Variants in EFHC1 observed in about 807,000 individuals in gnomAD.
The protein encoded by EFHC1 is EF-hand domain-containing protein 1.
EFHC1 carries 53 observed loss-of-function variants against 69.9 expected under a neutral mutation model. The observed-to-expected ratio is 0.76, with a 90% CI of 0.61 to 0.95. The LOEUF is 0.95. Ranked by LOEUF, EFHC1 falls within the 40% of genes least tolerant of loss-of-function variation. EFHC1 has a pLI of 0.00. For synonymous variants in EFHC1, 256 were observed against 278.4 expected (o/e 0.92, Z 0.80); for missense variants, 739 against 798.7 (o/e 0.93, Z 0.90).
intron 2 of EFHC1, among the ~76,000 whole-genome samples, chr6:52,433,402 G>A (rs1424155677): frequency 6.6e-6 from 1 of 152,154 alleles, no homozygotes; most frequent in Admixed American, 6.5e-5. Context: ...CTTTTCCTAT[G>A]GATGTGGCTT....
chr6:52,470,341 C>T (rs1236363446), intron 7 of EFHC1, among the ~76,000 whole-genome samples: 2 of 152,138 alleles, frequency 1.3e-5, no homozygotes, highest in African/African-American at 4.8e-5. Flanking sequence ...CATAAGAATT[C>T]TGACCAATAA....
intron 6 of EFHC1, among the ~76,000 whole-genome samples, chr6:52,467,770 T>C (rs1765343081): frequency 6.6e-6 from 1 of 152,224 alleles, no homozygotes; most frequent in Non-Finnish European, 1.5e-5. Flanking sequence ...ACTTTCTCTA[T>C]AATAAATAGC....
In EFHC1 at chr6:52,479,771, G is replaced by A; in HGVS notation, c.1624G>A (p.Ala542Thr). 6.2e-7 allele frequency: 1 copy of A among 1,614,142 alleles called. No individual in the cohort carries two copies. The highest frequency in any genetic ancestry group is 1.3e-5 in the African/African-American group (1 of 75,050). The change falls in exon 9 of 11, where the codon GCT (alanine) becomes ACT (threonine). Residue 542 changes from alanine to threonine, a missense_variant. By Grantham distance (58) the Ala-to-Thr change is moderately conservative (BLOSUM62 0). Coordinates refer to ENST00000371068, the MANE Select transcript of EFHC1 (RefSeq NM_018100.4). ...QNHVRKREAPAPEAESKQTEK... is the reference protein window; with the variant it reads ...QNHVRKREAPTPEAESKQTEK... ...CCATGTCCGAAAGCGAGAAGCGCCT[G>A]CTCCAGAAGCAGAAAGGTGTGTGTT...
chr6:52,453,128 T>TA, intron 4 of EFHC1: 1 of 1,403,226 alleles, frequency 7.1e-7, no homozygotes, highest in Non-Finnish European at 9.4e-7. Context: ...CTTCCCACCT[T>TA]ACGTTTCCAA....
At chr6:52,437,814 C>G (rs1222203779) in intron 2 of EFHC1, 1 of 170,962 alleles carries the variant, frequency 5.8e-6, no homozygotes. Context: ...TTAATTACCT[C>G]CTAAGGATCC....
At chr6:52,478,949 C>T in intron 7 of EFHC1, 88 bp from the exon 8 acceptor site, 1 of 1,223,262 alleles carries the variant, frequency 8.2e-7, no homozygotes, top group Non-Finnish European at 1.2e-6. Flanking sequence ...TCATTTATAT[C>T]CTATACCTGG....
rs905237444 is a variant in EFHC1 at position 52,424,166 on chromosome 6, A to G, written c.284A>G (p.Lys95Arg). 1 of 1,613,804 alleles carries G rather than the reference A, an allele frequency of 6.2e-7. No individual in the cohort carries two copies. Among genetic ancestry groups the G allele is most frequent in the African/African-American group, 1.3e-5 (1 of 75,042 alleles). ...FIPAHVAFDK[K>R]VLKFDAYFQE... ...CCTGCGCATGTGGCCTTTGACAAAA[A>G]GGTATCATCTGGAATTTTAGGGTAC... Residue 95 changes from lysine (K) to arginine (R), a missense_variant and splice_region_variant, in exon 2 of 11, where the codon AAG becomes AGG. By Grantham distance (26) the Lys-to-Arg change is conservative. Coordinates refer to ENST00000371068, the MANE Select transcript of EFHC1 (RefSeq NM_018100.4).
chr6:52,420,848 G>T (rs910332534), intron 1 of EFHC1, among the ~76,000 whole-genome samples: 2 of 151,612 alleles, frequency 1.3e-5, no homozygotes, highest in African/African-American at 4.9e-5. Context: ...CCTATCTCTG[G>T]GCCCTCTCCC....
intron 2 of EFHC1, among the ~76,000 whole-genome samples, chr6:52,436,882 TC>T (rs2113977778): frequency 6.6e-6 from 1 of 152,334 alleles, no homozygotes; most frequent in Non-Finnish European, 1.5e-5. Context: ...ACTCAGGTGA[TC>T]TGCCTGCCTT....
In EFHC1 at chr6:52,452,779, AGT is replaced by A. The variant is rs760016067; in HGVS notation, c.666_667del (p.Tyr223CysfsTer7). On this transcript the variant is annotated frameshift_variant, in exon 4 of 11. Coordinates refer to ENST00000371068, the MANE Select transcript of EFHC1 (RefSeq NM_018100.4). LOFTEE classifies it high-confidence loss of function. ...GAACTCCGAAAACAGCCTCTTCGTA[AGT>A]ATGTCACCCCATCAGACTTTGATCA... is the stretch of plus-strand genomic sequence containing the variant. 52 of 1,614,092 alleles carry A rather than the reference AGT, an allele frequency of 3.2e-5. No homozygotes were observed. Among genetic ancestry groups the A allele is most frequent in the Non-Finnish European group, 4.4e-5 (52 of 1,180,038 alleles).
chr6:52,429,865 T>C (rs2113971670), intron 2 of EFHC1: 1 of 152,288 alleles, frequency 6.6e-6, no homozygotes, highest in South Asian at 2.1e-4. Context: ...ATTTGTGTCA[T>C]CTGTTATTTC....
chr6:52,441,394 T>C lies in EFHC1; in HGVS notation c.573+2803T>C, dbSNP rs572983876. The stretch of plus-strand genomic sequence containing the variant: ...CATTGCTTATTTTTGTCAACTTTGT[T>C]GAAGATCACATAATTATAGGTGTGT... On this transcript the variant is annotated intron_variant, in intron 3 of 10. Transcript: ENST00000371068. Among the ~76,000 whole-genome samples the C allele has an allele frequency of 1.4e-4, 21 of 152,244 alleles. No homozygotes were observed. The East Asian group carries it at 4.0e-3, about 29-fold the overall frequency.
chr6:52,485,654 G>A (rs1035338695), intron 9 of EFHC1: 2 of 152,140 alleles, frequency 1.3e-5, no homozygotes, highest in African/African-American at 4.8e-5. Flanking sequence ...AACTGTTGTT[G>A]AAAAGAGCCT....
chr6:52,489,755 T>TTA (rs1389917340), intron 9 of EFHC1, among the ~76,000 whole-genome samples: 1 of 152,184 alleles, frequency 6.6e-6, no homozygotes, highest in Middle Eastern at 3.2e-3. Context: ...TCATCTCTCT[T>TTA]TATATATATC....
intron 3 of EFHC1, among the ~76,000 whole-genome samples, chr6:52,441,120 C>A (rs560921733): frequency 6.6e-6 from 1 of 152,066 alleles, no homozygotes; most frequent in African/African-American, 2.4e-5. Context: ...TTTTGCTCTG[C>A]GGAAGCTCTT....
In EFHC1 at chr6:52,495,461, G is replaced by A. The variant is rs1461955644; in HGVS notation, c.*3120G>A. 3.7e-5 allele frequency: 17 copies of A among 453,962 alleles called. No individual in the cohort carries two copies. The highest frequency in any genetic ancestry group is 3.0e-4 in the African/African-American group (15 of 50,002). The allele number at this position is 453,962 out of a possible 1,614,324, so 28.1% of individuals were successfully genotyped here. ...CTCCTTAACAAATCATTCATGGATC[G>A]GCAGCAAATCTGCAACATATGGATA... On this transcript the variant is annotated 3_prime_UTR_variant, in exon 11 of 11. Coordinates refer to ENST00000371068, the MANE Select transcript of EFHC1 (RefSeq NM_018100.4).
chr6:52,475,273 G>A (rs529140103), intron 7 of EFHC1, among the ~76,000 whole-genome samples: 6 of 152,134 alleles, frequency 3.9e-5, no homozygotes, highest in African/African-American at 1.2e-4. Flanking sequence ...TGAGTGAGGC[G>A]GGGACTTCAA....
intron 7 of EFHC1, among the ~76,000 whole-genome samples, chr6:52,470,601 C>T (rs1765415930): frequency 6.6e-6 from 1 of 152,136 alleles, no homozygotes; most frequent in South Asian, 2.1e-4. Context: ...TTGTCTTGTC[C>T]CAGGTCCAGT....
chr6:52,423,744 G>A, intron 1 of EFHC1: 1 of 1,236,510 alleles, frequency 8.1e-7, no homozygotes, highest in Non-Finnish European at 1.1e-6. Context: ...GGGCTGAAGT[G>A]ATTCTCCCTC....
Sources: gnomAD v4.1 joint callset for allele counts (sites outside exome capture counted in the v4.1 genomes callset) on GRCh38, gnomAD v4.1.1 for gene constraint, MANE v1.5 for transcripts, NCBI Gene and HGNC (gene_info 2026-07-23, HGNC 2026-07-21) for gene names.